SLC2A5: variants seen among roughly 807,000 people sequenced by gnomAD.
SLC2A5 encodes solute carrier family 2 member 5.
In SLC2A5, 56 loss-of-function variants were observed where a neutral mutation model predicts 50.3. The observed-to-expected ratio is 1.11, with a 90% CI of 0.90 to 1.39. The LOEUF (loss-of-function observed/expected upper bound fraction) is 1.39. Among genes scored for constraint, SLC2A5 ranks in the 40% most tolerant of loss-of-function variants. SLC2A5 has a pLI of 0.00. For synonymous variants in SLC2A5, 269 were observed against 281.9 expected (o/e 0.95, Z 0.46); for missense variants, 566 against 650.1 (o/e 0.87, Z 1.41).
chr1:9,054,696 G>A (rs1447485260), intron 3 of SLC2A5, among the ~76,000 whole-genome samples: 1 of 152,140 alleles, frequency 6.6e-6, no homozygotes, highest in Non-Finnish European at 1.5e-5. Context: ...AGGCCAAGGT[G>A]GGAGGATTGC....
chr1:9,052,068 G>A (rs905740159), intron 3 of SLC2A5, among the ~76,000 whole-genome samples: 1 of 152,224 alleles, frequency 6.6e-6, no homozygotes, highest in East Asian at 1.9e-4. Flanking sequence ...GGCGGATCAC[G>A]AGGTCAAGAG....
chr1:9,064,260 C>T (rs1642025569), intron 1 of SLC2A5, among the ~76,000 whole-genome samples: 1 of 151,438 alleles, frequency 6.6e-6, no homozygotes, highest in African/African-American at 2.4e-5. Flanking sequence ...TTTTGCTTTC[C>T]AGGAGGGAGA....
intron 4 of SLC2A5, among the ~76,000 whole-genome samples, chr1:9,042,522 C>T (rs1439160570): frequency 7.0e-6 from 1 of 142,924 alleles, no homozygotes; most frequent in South Asian, 2.2e-4. Flanking sequence ...TGTATATGGA[C>T]ATGGCCTGGT....
intron 8 of SLC2A5, 76 bp downstream of exon 8, chr1:9,039,476 T>A (rs896093500): frequency 9.7e-5 from 108 of 1,109,180 alleles, no homozygotes; most frequent in Middle Eastern, 4.8e-4. Flanking sequence ...GGCTGCCCTT[T>A]TGGCGGCGCC....
intron 2 of SLC2A5, among the ~76,000 whole-genome samples, chr1:9,078,777 G>T (rs1438931615): frequency 6.6e-6 from 1 of 152,172 alleles, no homozygotes; most frequent in African/African-American, 2.4e-5. Context: ...GGGTGGGGAA[G>T]TGACTCAAGT....
intron 1 of SLC2A5, among the ~76,000 whole-genome samples, chr1:9,065,953 AT>A (rs879728772): frequency 3.5e-5 from 5 of 144,270 alleles, no homozygotes; most frequent in Non-Finnish European, 7.8e-5. Context: ...CAAAAAAAAA[AT>A]TTTTTTTTGA....
At chr1:9,090,411 C>T (rs1017084705), upstream of SLC2A5, among the ~76,000 whole-genome samples, 4 of 152,164 alleles carry the variant, frequency 2.6e-5, no homozygotes, top group East Asian at 1.9e-4. Context: ...GAATGGATTA[C>T]GGGGACTCAA....
In SLC2A5 at chr1:9,052,822, A is replaced by G. The variant is rs1641611706; in HGVS notation, c.293+4626T>C. On this transcript the variant is annotated intron_variant, in intron 3 of 11. Coordinates refer to ENST00000377424, the MANE Select transcript of SLC2A5 (RefSeq NM_003039.3). ...GGCTTGAGGCCAGGAGTTCAAGACCAGACTGAGCAACATAGCAAGACCCCA... is the reference window on the plus strand; with the variant it reads ...GGCTTGAGGCCAGGAGTTCAAGACCGGACTGAGCAACATAGCAAGACCCCA... 2.0e-5 allele frequency among the ~76,000 whole-genome samples: 3 copies of G among 151,654 alleles called. 1 individual carries two copies. The South Asian group carries it at 6.2e-4, about 31-fold the overall frequency.
At chr1:9,084,428 G>T (rs1486941806) in intron 2 of SLC2A5, among the ~76,000 whole-genome samples, 1 of 152,180 alleles carries the variant, frequency 6.6e-6, no homozygotes, top group African/African-American at 2.4e-5. Flanking sequence ...ACTATTTTCT[G>T]ACTTGTCCTT....
At chr1:9,087,405 C>T (rs1346401026) in intron 1 of SLC2A5, among the ~76,000 whole-genome samples, 9 of 151,982 alleles carry the variant, frequency 5.9e-5, no homozygotes, top group East Asian at 3.9e-4. Context: ...GGGGTTTCAC[C>T]GTGTTAGCCA....
intron 1 of SLC2A5, among the ~76,000 whole-genome samples, chr1:9,058,575 C>A (rs1380686662): frequency 6.6e-6 from 1 of 152,180 alleles, no homozygotes; most frequent in African/African-American, 2.4e-5. Flanking sequence ...TGTTAAGTGT[C>A]CCCTGGTGGG....
At chr1:9,092,116 G>A (rs772289231), upstream of SLC2A5, among the ~76,000 whole-genome samples, 12 of 152,136 alleles carry the variant, frequency 7.9e-5, no homozygotes, top group Non-Finnish European at 1.5e-4. Context: ...CCATTGCAAC[G>A]TACATCAATC....
chr1:9,063,983 C>A (rs544245089), intron 1 of SLC2A5, among the ~76,000 whole-genome samples: 1 of 130,510 alleles, frequency 7.7e-6, no homozygotes, highest in African/African-American at 3.4e-5. Flanking sequence ...GCGTGAGCCA[C>A]CGCGCCCGGC....
At chr1:9,038,774 G>T (rs1641211237) in intron 9 of SLC2A5, 54 bp downstream of exon 9, 1 of 1,514,620 alleles carries the variant, frequency 6.6e-7, no homozygotes, top group Non-Finnish European at 8.9e-7. Context: ...GATGGGAGGG[G>T]CACTGGTCTT....
At position 9,040,447 on chromosome 1, in the gene SLC2A5, C is replaced by A. The variant is rs747548797; in HGVS notation, c.572-258G>T. On this transcript the variant is annotated intron_variant, in intron 5 of 11. Transcript: ENST00000377424. This position sits in a 1 kb window ranked among gnomAD's most constrained non-coding sequence, Gnocchi z 4.3. ...CGGTAATACCATGTGCTGGTGAGAA[C>A]GTCCCCGTGTCCTTCAGAGGACAGT... is the stretch of plus-strand genomic sequence containing the variant. The A allele has an allele frequency of 6.2e-6, 3 of 485,918 alleles. No individual in the cohort carries two copies. Among genetic ancestry groups the A allele is most frequent in the African/African-American group, 2.0e-5 (1 of 49,628 alleles). 30.1% of individuals were successfully genotyped at this position (485,918 alleles called of 1,614,324 possible).
chr1:9,088,778 G>A (rs148341934), upstream of SLC2A5, among the ~76,000 whole-genome samples: 497 of 152,194 alleles, frequency 3.3e-3, 2 homozygotes, highest in African/African-American at 0.011. Context: ...GCAAGACTCC[G>A]TCTCAAAAAC....
intron 1 of SLC2A5, among the ~76,000 whole-genome samples, chr1:9,087,893 C>T (rs750105352): frequency 6.6e-6 from 1 of 152,038 alleles, no homozygotes; most frequent in Non-Finnish European, 1.5e-5. Context: ...AGGCCCTTTG[C>T]CAATTCCAAC....
chr1:9,052,789 G>A (rs897170554), intron 3 of SLC2A5, among the ~76,000 whole-genome samples: 2 of 151,460 alleles, frequency 1.3e-5, no homozygotes, highest in Non-Finnish European at 2.9e-5. Flanking sequence ...AGGCCAAGGT[G>A]GGAGGATGGC....
chr1:9,078,745 G>A (rs553834964), intron 2 of SLC2A5, among the ~76,000 whole-genome samples: 8 of 152,272 alleles, frequency 5.3e-5, no homozygotes, highest in African/African-American at 1.4e-4. Flanking sequence ...ACAAAGTGTC[G>A]TCAAATAGCT....
Sources: gnomAD v4.1 joint callset for allele counts (sites outside exome capture counted in the v4.1 genomes callset) on GRCh38, gnomAD v4.1.1 for gene constraint, Gnocchi (gnomAD v3.1) non-coding constraint, MANE v1.5 for transcripts, NCBI Gene and HGNC (gene_info 2026-07-23, HGNC 2026-07-21) for gene names.